NFIB: variants seen among roughly 807,000 people sequenced by gnomAD.
NFIB encodes nuclear factor 1 B-type.
In NFIB, 11 loss-of-function variants were observed where a neutral mutation model predicts 61.5. That is an observed-to-expected ratio of 0.18 (90% CI 0.11 to 0.30). NFIB has a LOEUF of 0.30. Among genes scored for constraint, NFIB ranks in the 10% least tolerant of loss-of-function variants. The probability of loss-of-function intolerance (pLI) is 1.00; values close to 1 mark genes in which losing one functional copy is unlikely to be tolerated. For missense variants in NFIB, 471 were observed against 608.9 expected, an observed-to-expected ratio of 0.77 and a Z score of 2.38; for synonymous variants, 260 against 216.5, an observed-to-expected ratio of 1.20 and a Z score of -1.76.
chr9:14,246,831 A>C (rs2054985223), intron 2 of NFIB, among the ~76,000 whole-genome samples: 1 of 152,184 alleles, frequency 6.6e-6, no homozygotes, highest in Non-Finnish European at 1.5e-5. Context: ...TATGCTGAAG[A>C]CCCAATCCCC....
the NFIB span, among the ~76,000 whole-genome samples, chr9:14,515,302 G>A: frequency 6.6e-6 from 1 of 152,146 alleles, no homozygotes; most frequent in African/African-American, 2.4e-5. Flanking sequence ...GGGAAGTAAT[G>A]TCTTAGCCAG....
rs77365026 is a variant in NFIB, at chr9:14,208,323, G to A, written c.563-28543C>T. On this transcript the variant is annotated intron_variant, in intron 2 of 10. Transcript: ENST00000380953. ...TTTTCTTTCAATTGGCAATCCTTCCGACATCAAGGTTAAATTGTACTAAAA... is the reference window on the plus strand; with the variant it reads ...TTTTCTTTCAATTGGCAATCCTTCCAACATCAAGGTTAAATTGTACTAAAA... 1.5e-3 allele frequency among the ~76,000 whole-genome samples: 223 copies of A among 152,002 alleles called. 3 individuals are homozygous for A. The East Asian group carries it at 0.025, about 17-fold the overall frequency.
At chr9:14,290,876 A>G (rs2059047502) in intron 2 of NFIB, among the ~76,000 whole-genome samples, 1 of 152,040 alleles carries the variant, frequency 6.6e-6, no homozygotes, top group Admixed American at 6.5e-5. Context: ...CAACAAATAC[A>G]TATTATCTAT....
the NFIB span, among the ~76,000 whole-genome samples, chr9:14,523,136 C>G: frequency 6.6e-6 from 1 of 151,946 alleles, no homozygotes. Context: ...AAATTTACTT[C>G]ATGAGAGCCC....
At chr9:14,093,085 C>T (rs1056491251) in intron 10 of NFIB, among the ~76,000 whole-genome samples, 2 of 151,986 alleles carry the variant, frequency 1.3e-5, no homozygotes, top group African/African-American at 4.8e-5. Context: ...CAGGGTGCCA[C>T]ATTAAACATG....
chr9:14,502,760 G>A, the NFIB span, among the ~76,000 whole-genome samples: 43 of 151,750 alleles, frequency 2.8e-4, no homozygotes, highest in South Asian at 7.7e-3. Flanking sequence ...ATAGGTTTTC[G>A]GGAAACAGGT....
At chr9:14,224,017 T>C (rs1225229063) in intron 2 of NFIB, among the ~76,000 whole-genome samples, 1 of 152,126 alleles carries the variant, frequency 6.6e-6, no homozygotes, top group Admixed American at 6.5e-5. Flanking sequence ...CAAAATAATC[T>C]AAAACAATAT....
the NFIB span, among the ~76,000 whole-genome samples, chr9:14,530,562 G>T: frequency 6.6e-6 from 1 of 152,134 alleles, no homozygotes; most frequent in Non-Finnish European, 1.5e-5. Flanking sequence ...TGCAGAGAAG[G>T]ACTCAGCTTC....
At chr9:14,259,337 G>A (rs1587980546) in intron 2 of NFIB, among the ~76,000 whole-genome samples, 1 of 152,212 alleles carries the variant, frequency 6.6e-6, no homozygotes, top group South Asian at 2.1e-4. Flanking sequence ...AGAGCTACCT[G>A]TAAATTTAGA....
intron 1 of NFIB, among the ~76,000 whole-genome samples, chr9:14,363,964 A>G (rs1281066639): frequency 6.6e-6 from 1 of 152,116 alleles, no homozygotes; most frequent in Admixed American, 6.6e-5. Context: ...CTATTAATTC[A>G]CCTTTGAGTT....
intron 5 of NFIB, among the ~76,000 whole-genome samples, chr9:14,148,114 C>A (rs1013615391): frequency 3.3e-5 from 5 of 152,018 alleles, no homozygotes; most frequent in African/African-American, 9.6e-5. Context: ...AAAGTGAATT[C>A]TTTTCTTTTT....
chr9:14,322,436 T>C (rs1588308468), intron 1 of NFIB: 1 of 232,288 alleles, frequency 4.3e-6, no homozygotes, highest in Non-Finnish European at 8.5e-6. Context: ...GGTCGCGCGA[T>C]CGCCCCTTCC....
chr9:14,490,768 G>A, the NFIB span, among the ~76,000 whole-genome samples: 2 of 152,126 alleles, frequency 1.3e-5, no homozygotes, highest in African/African-American at 2.4e-5. Context: ...ACTATCCAAC[G>A]CTACCACGCA....
chr9:14,445,226 T>A, the NFIB span, among the ~76,000 whole-genome samples: 3 of 152,162 alleles, frequency 2.0e-5, no homozygotes, highest in Admixed American at 6.5e-5. Context: ...CCTGTATATT[T>A]TGGGGGTTTT....
chr9:14,489,396 T>C, the NFIB span, among the ~76,000 whole-genome samples: 2 of 152,246 alleles, frequency 1.3e-5, no homozygotes, highest in Non-Finnish European at 2.9e-5. Context: ...CGTACCATCT[T>C]ATCTTATGGC....
intron 10 of NFIB, among the ~76,000 whole-genome samples, chr9:14,089,129 G>GAGCC (rs993360101): frequency 6.6e-6 from 1 of 152,040 alleles, no homozygotes; most frequent in African/African-American, 2.4e-5. Flanking sequence ...CTTTTAGAGA[G>GAGCC]AGCCACAGCT....
intron 3 of NFIB, among the ~76,000 whole-genome samples, chr9:14,162,271 A>C (rs2131283241): frequency 6.6e-6 from 1 of 152,228 alleles, no homozygotes; most frequent in East Asian, 1.9e-4. Flanking sequence ...ATTATCTGAA[A>C]AAGTACTCAC....
Position 14,082,752 on chromosome 9 carries a change from A to G in NFIB, c.*5557T>C, listed in dbSNP as rs1157632144. 5.1e-6 allele frequency: 1 copy of G among 194,734 alleles called. No individual in the cohort carries two copies. Among genetic ancestry groups the G allele is most frequent in the Non-Finnish European group, 1.1e-5 (1 of 94,720 alleles). 12.1% of individuals were successfully genotyped at this position (194,734 alleles called of 1,614,324 possible). A position where few individuals can be genotyped will look rare whatever the true frequency, so the allele number is the denominator to read the frequency against. Reference sequence around the variant, plus strand: ...CTTCAATGCCCTCGATGAAGGATGCATAAAAAGCCATACTTCTTAAAAAAA... The same window carrying G: ...CTTCAATGCCCTCGATGAAGGATGCGTAAAAAGCCATACTTCTTAAAAAAA... On this transcript the variant is annotated 3_prime_UTR_variant, in exon 11 of 11. Transcript: ENST00000380953.
chr9:14,249,492 G>A (rs532930674), intron 2 of NFIB, among the ~76,000 whole-genome samples: 21 of 152,046 alleles, frequency 1.4e-4, no homozygotes, highest in Admixed American at 2.0e-4. Flanking sequence ...TTAAGATTGC[G>A]TCTCACTGTT....
Sources: gnomAD v4.1 joint callset for allele counts (sites outside exome capture counted in the v4.1 genomes callset) on GRCh38, gnomAD v4.1.1 for gene constraint, MANE v1.5 for transcripts, NCBI Gene and HGNC (gene_info 2026-07-23, HGNC 2026-07-21) for gene names.